The following DCC variants were observed in gnomAD, a reference collection of about 807,000 sequenced individuals.
The protein encoded by DCC is DCC netrin 1 receptor.
DCC carries 58 observed loss-of-function variants against 172.5 expected under a neutral mutation model. The observed-to-expected ratio is 0.34, with a 90% CI of 0.27 to 0.42. The LOEUF (loss-of-function observed/expected upper bound fraction) is 0.42, where lower values mean the gene tolerates loss of function less well. Among genes scored for constraint, DCC ranks in the 10% least tolerant of loss-of-function variants. DCC has a pLI of 1.00. For missense variants in DCC, 1,740 were observed against 1,791.0 expected, an observed-to-expected ratio of 0.97 and a Z score of 0.51; for synonymous variants, 709 against 644.5, an observed-to-expected ratio of 1.10 and a Z score of -1.52.
chr18:53,409,410 T>C (rs530896265), intron 19 of DCC, among the ~76,000 whole-genome samples: 1 of 152,234 alleles, frequency 6.6e-6, no homozygotes, highest in Admixed American at 6.6e-5. Context: ...ATTTGATGCA[T>C]AAATAGAATG....
intron 25 of DCC, among the ~76,000 whole-genome samples, chr18:53,470,206 G>T (rs1034657829): frequency 1.3e-5 from 2 of 151,924 alleles, no homozygotes; most frequent in Admixed American, 6.6e-5. Context: ...GATGAATCCT[G>T]GAGGACATTA....
intron 12 of DCC, among the ~76,000 whole-genome samples, chr18:53,265,803 C>G (rs534564073): frequency 6.6e-6 from 1 of 152,202 alleles, no homozygotes; most frequent in African/African-American, 2.4e-5. Flanking sequence ...GAATTTCAAA[C>G]TTGGAACTCA....
At chr18:52,411,630 C>A (rs907714955) in intron 1 of DCC, among the ~76,000 whole-genome samples, 1 of 152,138 alleles carries the variant, frequency 6.6e-6, no homozygotes, top group Non-Finnish European at 1.5e-5. Flanking sequence ...TTCATTCATT[C>A]ATCATGAATA....
intron 14 of DCC, among the ~76,000 whole-genome samples, chr18:53,331,222 T>G (rs917989566): frequency 6.6e-6 from 1 of 152,260 alleles, no homozygotes; most frequent in Admixed American, 6.5e-5. Context: ...TGTTTTTGTT[T>G]GTTTGTTCTG....
chr18:52,452,874 C>G (rs1235791299), intron 1 of DCC, among the ~76,000 whole-genome samples: 1 of 152,216 alleles, frequency 6.6e-6, no homozygotes, highest in Non-Finnish European at 1.5e-5. Context: ...AACGTTAGTA[C>G]AACTTGTACA....
At chr18:52,973,961 T>C (rs567463106) in intron 5 of DCC, among the ~76,000 whole-genome samples, 9 of 152,142 alleles carry the variant, frequency 5.9e-5, no homozygotes, top group Non-Finnish European at 1.3e-4. Flanking sequence ...CTGTTGTATG[T>C]GTGGCGGAGG....
At chr18:53,099,938 TC>T (rs201316464) in intron 7 of DCC, among the ~76,000 whole-genome samples, 1,206 of 79,952 alleles carry the variant, frequency 0.015, 10 homozygotes, top group Non-Finnish European at 0.024. Flanking sequence ...TTCTTTTCTT[TC>T]TTTCTTTTTT....
rs528047715 is a variant in DCC, at chr18:53,499,375, G to A, written c.3976G>A (p.Ala1326Thr). 2.5e-6 allele frequency: 4 copies of A among 1,614,042 alleles called. No homozygotes were observed. Among genetic ancestry groups the A allele is most frequent in the Admixed American group, 1.7e-5 (1 of 60,000 alleles). The change falls in exon 27 of 29, where the codon GCA (alanine) becomes ACA (threonine). Residue 1326 changes from alanine (A) to threonine (T), a missense_variant. Transcript: ENST00000442544. ...GCCTGAGCATTCTAGCAGCGAGGAG[G>A]CACCAAGCAGAACCATCCCCACAGC... The part of the protein sequence containing the change: ...SQPEHSSSEE[A>T]PSRTIPTACV...
At chr18:52,894,531 A>G (rs2039700339) in intron 2 of DCC, among the ~76,000 whole-genome samples, 1 of 151,672 alleles carries the variant, frequency 6.6e-6, no homozygotes, top group Non-Finnish European at 1.5e-5. Context: ...CTATTTAGAA[A>G]GATAAATAGA....
chr18:53,415,081 G>A (rs1341057853), intron 20 of DCC, among the ~76,000 whole-genome samples: 2 of 152,110 alleles, frequency 1.3e-5, no homozygotes, highest in Admixed American at 6.5e-5. Context: ...ATTCTTATTA[G>A]GCAATGATTT....
intron 1 of DCC, among the ~76,000 whole-genome samples, chr18:52,617,813 G>T (rs1308405709): frequency 5.8e-4 from 89 of 152,224 alleles, no homozygotes; most frequent in African/African-American, 2.1e-3. Flanking sequence ...AGCATGAAGA[G>T]AAGCTTATTT....
chr18:53,228,591 C>T (rs1301078908), intron 12 of DCC, among the ~76,000 whole-genome samples: 1 of 152,080 alleles, frequency 6.6e-6, no homozygotes, highest in African/African-American at 2.4e-5. Context: ...ATTAACTTCT[C>T]TACCTATGAT....
intron 27 of DCC, among the ~76,000 whole-genome samples, chr18:53,507,085 T>TTTTTG (rs140530924): frequency 0.23 from 34,497 of 151,938 alleles, 4,330 homozygotes; most frequent in East Asian, 0.4. Flanking sequence ...CCCTTTCTCC[T>TTTTTG]TTTTGTTTTG....
At chr18:52,375,840 G>T (rs909384935) in intron 1 of DCC, among the ~76,000 whole-genome samples, 1 of 152,158 alleles carries the variant, frequency 6.6e-6, no homozygotes, top group African/African-American at 2.4e-5. Context: ...GGGAGTACCA[G>T]GTCAGATCCT....
chr18:52,700,837 G>A (rs1248191284), intron 1 of DCC, among the ~76,000 whole-genome samples: 1 of 152,230 alleles, frequency 6.6e-6, no homozygotes, highest in Admixed American at 6.5e-5. Context: ...TAATTGTTAA[G>A]ATAGTAGCTG....
At chr18:52,812,171 C>T (rs1302735096) in intron 2 of DCC, among the ~76,000 whole-genome samples, 1 of 152,108 alleles carries the variant, frequency 6.6e-6, no homozygotes, top group East Asian at 1.9e-4. Flanking sequence ...TTTTTCTTTT[C>T]AATATGTAGG....
At chr18:53,105,669 TAA>T (rs1283745439) in intron 7 of DCC, among the ~76,000 whole-genome samples, 1 of 151,886 alleles carries the variant, frequency 6.6e-6, no homozygotes, top group African/African-American at 2.4e-5. Flanking sequence ...CATTATAAGC[TAA>T]GTTACCTGAT....
intron 2 of DCC, among the ~76,000 whole-genome samples, chr18:52,772,424 G>T (rs1384023192): frequency 6.6e-6 from 1 of 152,174 alleles, no homozygotes; most frequent in Non-Finnish European, 1.5e-5. Flanking sequence ...GTGATGTGAT[G>T]ATTTGTATTA....
intron 1 of DCC, among the ~76,000 whole-genome samples, chr18:52,515,853 A>G (rs926141737): frequency 6.6e-6 from 1 of 150,754 alleles, no homozygotes; most frequent in South Asian, 2.1e-4. Flanking sequence ...CACATCTCTG[A>G]AAAAGAACTA....
Sources: allele counts gnomAD v4.1 joint callset (sites outside exome capture counted in the v4.1 genomes callset), GRCh38; gene constraint gnomAD v4.1.1; transcripts MANE v1.5; gene names NCBI Gene and HGNC (gene_info 2026-07-23, HGNC 2026-07-21).